ASIC2: variants seen among roughly 807,000 people sequenced by gnomAD.
ASIC2 encodes acid sensing ion channel subunit 2, also known as acid-sensing ion channel 2.
Under a neutral mutation model 57.3 loss-of-function variants are expected in ASIC2, and 25 were observed. That is an observed-to-expected ratio of 0.44 (90% CI 0.32 to 0.61). The LOEUF (loss-of-function observed/expected upper bound fraction) is 0.61. Ranked by LOEUF, ASIC2 falls within the 20% of genes least tolerant of loss-of-function variation. The pLI, the probability that ASIC2 is intolerant of heterozygous loss-of-function variation, is 0.06. For missense variants in ASIC2, 641 were observed against 738.1 expected (o/e 0.87, Z 1.52); for synonymous variants, 319 against 307.5 (o/e 1.04, Z -0.39).
intron 1 of ASIC2, among the ~76,000 whole-genome samples, chr17:33,922,419 G>T (rs1390260594): frequency 6.6e-6 from 1 of 151,948 alleles, no homozygotes; most frequent in African/African-American, 2.4e-5. Context: ...AAAAACCCTT[G>T]CCCCCTGGCA....
intron 1 of ASIC2, among the ~76,000 whole-genome samples, chr17:33,937,495 A>C (rs1441137361): frequency 6.6e-6 from 1 of 152,174 alleles, no homozygotes; most frequent in East Asian, 1.9e-4. Flanking sequence ...ATTGGAGAAA[A>C]GAAGAAAAAT....
Position 33,737,495 on chromosome 17 carries a change from T to C in ASIC2, c.555+418483A>G, listed in dbSNP as rs78049408. On this transcript the variant is annotated intron_variant, in intron 1 of 9. Transcript: ENST00000359872. ...TTGAACGGATTAGAAATATTTTTAATCTGGTTTAAATCTCAATCTAGTTCA... is the reference window on the plus strand; with the variant it reads ...TTGAACGGATTAGAAATATTTTTAACCTGGTTTAAATCTCAATCTAGTTCA... Among the ~76,000 whole-genome samples, 677 of 150,682 alleles carry C rather than the reference T, an allele frequency of 4.5e-3. 18 individuals are homozygous for C. The highest frequency in any genetic ancestry group is 0.024 in the East Asian group (126 of 5,158).
intron 1 of ASIC2, among the ~76,000 whole-genome samples, chr17:33,342,501 T>C (rs1454773745): frequency 6.6e-6 from 1 of 152,182 alleles, no homozygotes; most frequent in African/African-American, 2.4e-5. Context: ...GTGTGTTTTC[T>C]ATTACCTGAT....
At chr17:34,067,440 G>A (rs961393856) in intron 1 of ASIC2, among the ~76,000 whole-genome samples, 1 of 152,112 alleles carries the variant, frequency 6.6e-6, no homozygotes, top group Non-Finnish European at 1.5e-5. Context: ...CAGTAATACT[G>A]ATCCAGTAAT....
chr17:33,462,819 G>A (rs759519401), intron 1 of ASIC2, among the ~76,000 whole-genome samples: 6 of 152,208 alleles, frequency 3.9e-5, no homozygotes, highest in Non-Finnish European at 8.8e-5. Flanking sequence ...CATATGATAT[G>A]TAGTTAGTGT....
At chr17:33,731,382 G>A (rs976105181) in intron 1 of ASIC2, among the ~76,000 whole-genome samples, 1 of 152,108 alleles carries the variant, frequency 6.6e-6, no homozygotes, top group Non-Finnish European at 1.5e-5. Flanking sequence ...ATTGAATGTT[G>A]GAGGGAGACG....
At chr17:34,034,975 C>T (rs1907807778) in intron 1 of ASIC2, among the ~76,000 whole-genome samples, 1 of 151,894 alleles carries the variant, frequency 6.6e-6, no homozygotes, top group Non-Finnish European at 1.5e-5. Context: ...CCCCATCAAG[C>T]TACCAATGAC....
At chr17:33,799,438 C>CTTA (rs1555562523) in intron 1 of ASIC2, among the ~76,000 whole-genome samples, 49 of 46,096 alleles carry the variant, frequency 1.1e-3, no homozygotes, top group African/African-American at 2.8e-3. Context: ...TTCTTTCTTT[C>CTTA]TTTCTTTCTT....
In ASIC2 at chr17:33,149,230, G is replaced by C. The variant is rs117623477; in HGVS notation, c.709-37163C>G. On this transcript the variant is annotated intron_variant, in intron 1 of 9. Coordinates refer to ENST00000225823, the MANE Select transcript of ASIC2 (RefSeq NM_183377.2). ...AACATAAAGAAAACAAAAAATTATT[G>C]TAATCCCAACACATAGCAATAATCA... 3.5e-3 allele frequency among the ~76,000 whole-genome samples: 534 copies of C among 152,218 alleles called. 2 individuals are homozygous for C. The highest frequency in any genetic ancestry group is 0.026 in the South Asian group (126 of 4,820).
At chr17:33,923,728 T>C (rs1915759698) in intron 1 of ASIC2, among the ~76,000 whole-genome samples, 1 of 152,144 alleles carries the variant, frequency 6.6e-6, no homozygotes, top group Non-Finnish European at 1.5e-5. Flanking sequence ...GTTTGATATG[T>C]CAAACAGGTG....
chr17:34,034,148 A>G (rs926440047), intron 1 of ASIC2, among the ~76,000 whole-genome samples: 2 of 152,200 alleles, frequency 1.3e-5, no homozygotes, highest in African/African-American at 4.8e-5. Context: ...CAGCACATCA[A>G]AAAGCTTATC....
intron 1 of ASIC2, among the ~76,000 whole-genome samples, chr17:33,621,476 C>G (rs781687792): frequency 6.6e-6 from 1 of 152,104 alleles, no homozygotes; most frequent in Non-Finnish European, 1.5e-5. Flanking sequence ...AAGTAGTGCT[C>G]GTTAGATGGC....
At chr17:33,294,280 G>A (rs1385102846), upstream of ASIC2, among the ~76,000 whole-genome samples, 1 of 152,174 alleles carries the variant, frequency 6.6e-6, no homozygotes, top group African/African-American at 2.4e-5. Flanking sequence ...CTCCAAGGGT[G>A]GGAGGATGCT....
chr17:33,956,555 C>G (rs1904741279), intron 1 of ASIC2, among the ~76,000 whole-genome samples: 1 of 152,168 alleles, frequency 6.6e-6, no homozygotes, highest in South Asian at 2.1e-4. Context: ...AACTCAGGAG[C>G]CTACCTACCT....
intron 1 of ASIC2, among the ~76,000 whole-genome samples, chr17:33,536,920 G>C (rs913303047): frequency 3.3e-5 from 5 of 152,070 alleles, no homozygotes; most frequent in African/African-American, 4.8e-5. Flanking sequence ...CTGAGGTGGA[G>C]GAATCACCCG....
intron 1 of ASIC2, among the ~76,000 whole-genome samples, chr17:33,457,519 C>T (rs776047004): frequency 1.1e-4 from 16 of 150,098 alleles, no homozygotes; most frequent in Non-Finnish European, 2.4e-4. Context: ...ATTCTATATC[C>T]ACTTATTAAG....
intron 1 of ASIC2, among the ~76,000 whole-genome samples, chr17:33,153,905 G>A (rs775629688): frequency 7.2e-5 from 11 of 152,164 alleles, no homozygotes; most frequent in Non-Finnish European, 1.3e-4. Context: ...ACTGAGATCC[G>A]AGCTCCTGCG....
intron 1 of ASIC2, among the ~76,000 whole-genome samples, chr17:33,204,599 C>T (rs319788): frequency 0.7 from 106,124 of 152,168 alleles, 37,729 homozygotes; most frequent in African/African-American, 0.81. Context: ...AAGTGGCAAC[C>T]ATGAGTAAGC....
At chr17:34,045,072 G>A (rs1321900164) in intron 1 of ASIC2, among the ~76,000 whole-genome samples, 1 of 152,104 alleles carries the variant, frequency 6.6e-6, no homozygotes, top group Non-Finnish European at 1.5e-5. Context: ...TGAGACCAGG[G>A]GTTGGGAGGA....
Sources: gnomAD v4.1 joint callset for allele counts (sites outside exome capture counted in the v4.1 genomes callset) on GRCh38, gnomAD v4.1.1 for gene constraint, MANE v1.5 for transcripts, NCBI Gene and HGNC (gene_info 2026-07-23, HGNC 2026-07-21) for gene names.